NR1H3: variants seen among roughly 807,000 people sequenced by gnomAD.
NR1H3 encodes oxysterols receptor LXR-alpha.
In NR1H3, 19 loss-of-function variants were observed where a neutral mutation model predicts 48.1. The observed-to-expected ratio is 0.40, with a 90% CI of 0.28 to 0.58. The LOEUF (loss-of-function observed/expected upper bound fraction) is 0.58. Among genes scored for constraint, NR1H3 ranks in the 20% least tolerant of loss-of-function variants. The pLI is 0.50. For missense variants in NR1H3, 486 were observed against 595.9 expected (o/e 0.82, Z 1.92); for synonymous variants, 232 against 227.3 (o/e 1.02, Z -0.19).
At position 47,268,001 on chromosome 11, in the gene NR1H3, C is replaced by A; in HGVS notation, c.1077C>A (p.Leu359=). Residue 359 remains leucine, a synonymous_variant, in exon 8 of 10, where the codon CTC becomes CTA. Transcript: ENST00000441012. ...TCAATGATGCCGAGTTTGCCTTGCT[C>A]ATTGCTATCAGCATCTTCTCTGCAG... ...LQLNDAEFAL[L]IAISIFSADR... The A allele has an allele frequency of 6.2e-7, 1 of 1,613,536 alleles. No homozygotes were observed. The highest frequency in any genetic ancestry group is 1.1e-5 in the South Asian group (1 of 91,056).
upstream of NR1H3, among the ~76,000 whole-genome samples, chr11:47,253,702 A>G (rs977350452): frequency 3.9e-5 from 6 of 152,170 alleles, no homozygotes; most frequent in African/African-American, 1.2e-4. Context: ...TTCTGCTTCA[A>G]GTTTCTCCTT....
intron 7 of NR1H3, among the ~76,000 whole-genome samples, chr11:47,265,639 C>T (rs759314370): frequency 9.2e-5 from 14 of 152,056 alleles, no homozygotes; most frequent in Non-Finnish European, 1.2e-4. Context: ...TTTGGGAGGC[C>T]GAGGCAGGCA....
intron 3 of NR1H3, 29 bp from the exon 4 acceptor site, chr11:47,260,380 A>T (rs1313858292): frequency 1.3e-6 from 2 of 1,583,508 alleles, no homozygotes; most frequent in African/African-American, 2.7e-5. Flanking sequence ...TCCTCGGGGG[A>T]GAGCGTTGAA....
At chr11:47,257,416 C>G (rs1368064115), upstream of NR1H3, among the ~76,000 whole-genome samples, 1 of 152,226 alleles carries the variant, frequency 6.6e-6, no homozygotes, top group Non-Finnish European at 1.5e-5. Flanking sequence ...CCTCTCTTAT[C>G]TGTGGCCCCC....
upstream of NR1H3, among the ~76,000 whole-genome samples, chr11:47,257,292 C>T (rs1955271700): frequency 1.3e-5 from 2 of 152,188 alleles, no homozygotes; most frequent in South Asian, 4.1e-4. Context: ...CATACCTTCC[C>T]AGGTCCATCC....
chr11:47,267,602 G>A (rs373997767), intron 7 of NR1H3, among the ~76,000 whole-genome samples: 3 of 151,482 alleles, frequency 2.0e-5, no homozygotes, highest in Non-Finnish European at 2.9e-5. Flanking sequence ...TCTGCCTCCC[G>A]TGTTCAAGCA....
rs368201770 is a variant in NR1H3, at chr11:47,268,008, A to G, written c.1084A>G (p.Ile362Val). ...TGCCGAGTTTGCCTTGCTCATTGCT[A>G]TCAGCATCTTCTCTGCAGGTGTGGA... Reference protein sequence around the residue: ...NDAEFALLIAISIFSADRPNV... With the variant: ...NDAEFALLIAVSIFSADRPNV... The change falls in exon 8 of 10, where the codon ATC (isoleucine) becomes GTC (valine). Residue 362 changes from isoleucine (I) to valine (V), a missense_variant. Transcript: ENST00000441012. 1.2e-6 allele frequency: 2 copies of G among 1,613,240 alleles called. No individual in the cohort carries two copies. Among genetic ancestry groups the G allele is most frequent in the Non-Finnish European group, 1.7e-6 (2 of 1,179,490 alleles).
chr11:47,263,415 C>T (rs1956125031), intron 7 of NR1H3, among the ~76,000 whole-genome samples: 1 of 151,824 alleles, frequency 6.6e-6, no homozygotes, highest in Admixed American at 6.6e-5. Context: ...AGGCATGCAC[C>T]ACCATGCCAG....
At chr11:47,249,425 TC>T (rs1954421289) in intron 1 of NR1H3, among the ~76,000 whole-genome samples, 1 of 152,014 alleles carries the variant, frequency 6.6e-6, no homozygotes, top group African/African-American at 2.4e-5. Flanking sequence ...CTGTCCTCCC[TC>T]CCCTCCACTT....
intron 1 of NR1H3, 49 bp downstream of exon 1, chr11:47,258,178 G>A (rs1955397055): frequency 1.0e-6 from 1 of 985,444 alleles, no homozygotes; most frequent in Non-Finnish European, 1.2e-6. Context: ...GTGTATCTGG[G>A]GTGGGGTCGG....
chr11:47,255,541 T>TTTC (rs1955009214), upstream of NR1H3, among the ~76,000 whole-genome samples: 12 of 71,678 alleles, frequency 1.7e-4, no homozygotes, highest in Non-Finnish European at 1.9e-4. Flanking sequence ...CTTTCTTTCT[T>TTTC]TTTCTTTCTT....
chr11:47,259,846 G>A lies in NR1H3; in HGVS notation c.99G>A (p.Gln33=), dbSNP rs561197759. Residue 33 remains glutamine (Q), a synonymous_variant, in exon 3 of 10, where the codon CAG becomes CAA. Transcript: ENST00000441012. The part of the protein sequence containing the change: ...PGAQDASSQA[Q]GGSSCILREE... ...CACAGGATGCAAGCAGCCAGGCCCA[G>A]GGAGGCAGCAGCTGCATCCTCAGAG... The A allele has an allele frequency of 6.2e-7, 1 of 1,612,652 alleles. No homozygotes were observed. The highest frequency in any genetic ancestry group is 1.7e-5 in the Admixed American group (1 of 60,018).
intron 8 of NR1H3, 80 bp from the exon 9 acceptor site, chr11:47,268,181 C>G (rs1439742434): frequency 7.4e-7 from 1 of 1,352,416 alleles, no homozygotes; most frequent in Admixed American, 1.8e-5. Flanking sequence ...TGGAGCATGT[C>G]TCTATATTTT....
Position 47,259,891 on chromosome 11 carries a change from C to G in NR1H3, c.144C>G (p.His48Gln). ...CILREEARMP[H>Q]SAGGTAGVGL... ...TCAGAGAGGAAGCCAGGATGCCCCA[C>G]TCTGCTGGGGGTACTGCAGGGGTGG... The change falls in exon 3 of 10, where the codon CAC (histidine) becomes CAG (glutamine). Residue 48 changes from histidine (H) to glutamine (Q), a missense_variant. Coordinates refer to ENST00000441012, the MANE Select transcript of NR1H3 (RefSeq NM_005693.4). 1.2e-6 allele frequency: 2 copies of G among 1,612,894 alleles called. No homozygotes were observed. The highest frequency in any genetic ancestry group is 1.7e-6 in the Non-Finnish European group (2 of 1,179,724).
chr11:47,257,094 C>G (rs953823117), upstream of NR1H3, among the ~76,000 whole-genome samples: 2 of 152,186 alleles, frequency 1.3e-5, no homozygotes, highest in African/African-American at 4.8e-5. Flanking sequence ...TACTCTGTTG[C>G]CACATCTATG....
chr11:47,254,688 T>C (rs1954929973), upstream of NR1H3, among the ~76,000 whole-genome samples: 1 of 152,112 alleles, frequency 6.6e-6, no homozygotes, highest in Admixed American at 6.6e-5. Context: ...AATGAATACA[T>C]GGGCAGATTT....
upstream of NR1H3, among the ~76,000 whole-genome samples, chr11:47,255,683 T>C (rs1276546726): frequency 5.3e-5 from 8 of 150,666 alleles, no homozygotes; most frequent in African/African-American, 2.0e-4. Flanking sequence ...CTTTCTTCTT[T>C]TTTTTTGGAG....
chr11:47,267,143 CTG>C (rs1285752769), intron 7 of NR1H3, among the ~76,000 whole-genome samples: 1 of 151,782 alleles, frequency 6.6e-6, no homozygotes, highest in East Asian at 2.0e-4. Flanking sequence ...CCTGTCACAA[CTG>C]AAAATATAAG....
At position 47,259,192 on chromosome 11, in the gene NR1H3, G is replaced by A. The variant is rs1337590859; in HGVS notation, c.-25G>A. 2 of 1,614,176 alleles carry A rather than the reference G, an allele frequency of 1.2e-6. No homozygotes were observed. Among genetic ancestry groups the A allele is most frequent in the Non-Finnish European group, 1.7e-6 (2 of 1,180,012 alleles). ...GTCCTTCCTGCAGGACAGTGCCTTG[G>A]TAATGACCAGGGCTCCAGGAAGAGA... On this transcript the variant is annotated 5_prime_UTR_variant, in exon 2 of 10. Coordinates refer to ENST00000441012, the MANE Select transcript of NR1H3 (RefSeq NM_005693.4).
Sources: allele counts gnomAD v4.1 joint callset (sites outside exome capture counted in the v4.1 genomes callset), GRCh38; gene constraint gnomAD v4.1.1; transcripts MANE v1.5; gene names NCBI Gene and HGNC (gene_info 2026-07-23, HGNC 2026-07-21).